GATAD2A: variants seen among roughly 807,000 people sequenced by gnomAD.
The protein encoded by GATAD2A is GATA zinc finger domain containing 2A.
GATAD2A carries 12 observed loss-of-function variants against 68.5 expected under a neutral mutation model. The observed-to-expected ratio is 0.18, with a 90% CI of 0.11 to 0.28. The LOEUF (loss-of-function observed/expected upper bound fraction) is 0.28. Ranked by LOEUF, GATAD2A falls within the 10% of genes least tolerant of loss-of-function variation. The pLI is 1.00. For synonymous variants in GATAD2A, 410 were observed against 375.3 expected, an observed-to-expected ratio of 1.09 and a Z score of -1.07; for missense variants, 755 against 868.5, an observed-to-expected ratio of 0.87 and a Z score of 1.64.
rs2058562347 is a variant in GATAD2A, at chr19:19,474,850, CTTTATAGTT to C, written c.269+9239_269+9247del. Among the ~76,000 whole-genome samples, 4 of 152,174 alleles carry C rather than the reference CTTTATAGTT, an allele frequency of 2.6e-5. No homozygotes were observed. The South Asian group carries it at 8.3e-4, about 32-fold the overall frequency. On this transcript the variant is annotated intron_variant, in intron 2 of 11. Coordinates refer to ENST00000683918, the MANE Select transcript of GATAD2A (RefSeq NM_001384528.1). ...ACCGTCTTCACTTGTTGTTCTCAGT[CTTTATAGTT>C]TTAGCCACTGGGTCCCCAGAGAGGT... is the stretch of plus-strand genomic sequence containing the variant.
chr19:19,501,073 G>T, intron 8 of GATAD2A, 45 bp from the exon 9 acceptor site: 7 of 1,553,088 alleles, frequency 4.5e-6, no homozygotes, highest in Non-Finnish European at 6.1e-6. Context: ...GGCCCTGACT[G>T]TCGTCCTGGC....
At chr19:19,437,127 T>C (rs1240083633) in intron 1 of GATAD2A, among the ~76,000 whole-genome samples, 2 of 152,214 alleles carry the variant, frequency 1.3e-5, no homozygotes, top group Non-Finnish European at 1.5e-5. Context: ...GTGGTACTTA[T>C]ATTTTTATTT....
intron 1 of GATAD2A, among the ~76,000 whole-genome samples, chr19:19,454,125 G>A (rs2056688369): frequency 6.6e-6 from 1 of 151,994 alleles, no homozygotes; most frequent in Non-Finnish European, 1.5e-5. Flanking sequence ...AGCCCCTGGA[G>A]TAGCCGGGAG....
intron 1 of GATAD2A, among the ~76,000 whole-genome samples, chr19:19,454,131 G>A (rs113986658): frequency 0.025 from 3,743 of 152,042 alleles, 166 homozygotes; most frequent in African/African-American, 0.083. Context: ...TGGAGTAGCC[G>A]GGAGTATAGG....
In GATAD2A at chr19:19,492,352, C is replaced by G. The variant is rs755127616; in HGVS notation, c.316C>G (p.Leu106Val). The G allele has an allele frequency of 6.2e-7, 1 of 1,611,104 alleles. No individual in the cohort carries two copies. Among genetic ancestry groups the G allele is most frequent in the Admixed American group, 1.7e-5 (1 of 59,618 alleles). Reference protein sequence around the residue: ...RRPPSPDVIVLSDNEQPSSPR... With the variant: ...RRPPSPDVIVVSDNEQPSSPR... The stretch of plus-strand genomic sequence containing the variant: ...ACCCCCCTCACCTGACGTGATTGTG[C>G]TCTCCGACAACGAGCAGCCCTCGAG... Residue 106 changes from leucine (L) to valine (V), a missense_variant, in exon 3 of 12, where the codon CTC (leucine) becomes GTC (valine). Transcript: ENST00000683918.
At chr19:19,460,445 C>T (rs115181092) in intron 1 of GATAD2A, among the ~76,000 whole-genome samples, 1 of 152,200 alleles carries the variant, frequency 6.6e-6, no homozygotes, top group East Asian at 1.9e-4. Flanking sequence ...CCGTTGTCAT[C>T]ATCTGACTCA....
chr19:19,458,018 G>T (rs2057093543), intron 1 of GATAD2A, among the ~76,000 whole-genome samples: 1 of 152,184 alleles, frequency 6.6e-6, no homozygotes, highest in Non-Finnish European at 1.5e-5. Flanking sequence ...TCAGTTTGGG[G>T]TCTTTGAAGG....
rs760879309 is a variant in GATAD2A at position 19,494,252 on chromosome 19, G to T, written c.535-42G>T. The stretch of plus-strand genomic sequence containing the variant: ...CAACTCCGTGTGAGGAGAGGGACCG[G>T]CCCGGTGGCCCCTCACCTCCTGGTG... On this transcript the variant is annotated intron_variant, in intron 4 of 11. Transcript: ENST00000683918. The T allele has an allele frequency of 4.3e-6, 5 of 1,164,158 alleles. No individual in the cohort carries two copies. The East Asian group carries it at 7.2e-5, about 17-fold the overall frequency. The allele number at this position is 1,164,158 out of a possible 1,614,324, so 72.1% of individuals were successfully genotyped here.
rs187530654 is a variant in GATAD2A at position 19,398,449 on chromosome 19, C to T, written c.-7+12311C>T. ...CTCCTGACCTCAGGCGATCCGCTTGCCTCGGCCTCCCAAAGTGCTGGGATT... is the reference window on the plus strand; with the variant it reads ...CTCCTGACCTCAGGCGATCCGCTTGTCTCGGCCTCCCAAAGTGCTGGGATT... On this transcript the variant is annotated intron_variant, in intron 1 of 11. Coordinates refer to the GATAD2A transcript ENST00000360315. Among the ~76,000 whole-genome samples, 603 of 152,102 alleles carry T rather than the reference C, an allele frequency of 4.0e-3. 2 individuals carry two copies. Among genetic ancestry groups the T allele is most frequent in the Non-Finnish European group, 6.3e-3 (426 of 67,968 alleles).
At chr19:19,496,893 G>A (rs1050987472) in intron 7 of GATAD2A, among the ~76,000 whole-genome samples, 3 of 152,170 alleles carry the variant, frequency 2.0e-5, no homozygotes, top group Non-Finnish European at 4.4e-5. Context: ...CTTTGGCACA[G>A]TTTGTTCTTG....
At chr19:19,431,743 T>C (rs994142902) in intron 1 of GATAD2A, among the ~76,000 whole-genome samples, 4 of 150,556 alleles carry the variant, frequency 2.7e-5, no homozygotes, top group Non-Finnish European at 5.9e-5. Flanking sequence ...TGTCAGACAC[T>C]GTTGTAGGTG....
At chr19:19,424,314 C>T (rs1055594477) in intron 1 of GATAD2A, among the ~76,000 whole-genome samples, 1 of 152,108 alleles carries the variant, frequency 6.6e-6, no homozygotes, top group African/African-American at 2.4e-5. Context: ...ACTGTATCCT[C>T]CACCTCCCAG....
chr19:19,457,585 C>T (rs973823624), intron 1 of GATAD2A, among the ~76,000 whole-genome samples: 1 of 151,888 alleles, frequency 6.6e-6, no homozygotes, highest in African/African-American at 2.4e-5. Flanking sequence ...CTAAAAAATA[C>T]AAAAAATTAG....
rs1312745279 is a variant in GATAD2A, at chr19:19,409,291, G to A, written c.-7+3272G>A. 2.6e-5 allele frequency among the ~76,000 whole-genome samples: 4 copies of A among 152,062 alleles called. No individual in the cohort carries two copies. The East Asian group carries it at 7.7e-4, about 29-fold the overall frequency. On this transcript the variant is annotated intron_variant, in intron 1 of 11. Coordinates refer to ENST00000683918, the MANE Select transcript of GATAD2A (RefSeq NM_001384528.1). ...CTAGACCTTTCCCCCCCATAATTGA[G>A]TTAATTTATGCTGGTTGTAGAAAAC... is the stretch of plus-strand genomic sequence containing the variant.
At chr19:19,420,736 A>G (rs552889746) in intron 1 of GATAD2A, among the ~76,000 whole-genome samples, 18 of 151,944 alleles carry the variant, frequency 1.2e-4, no homozygotes, top group Non-Finnish European at 2.2e-4. Context: ...TGTGGGTTCC[A>G]TCGTGTGAAG....
At chr19:19,479,864 G>T (rs1358601804) in intron 2 of GATAD2A, among the ~76,000 whole-genome samples, 2 of 127,736 alleles carry the variant, frequency 1.6e-5, no homozygotes, top group Non-Finnish European at 1.6e-5. Flanking sequence ...TTGAGATGGA[G>T]TCTCACTGCG....
At chr19:19,433,350 G>A (rs1208168904) in intron 1 of GATAD2A, among the ~76,000 whole-genome samples, 1 of 152,110 alleles carries the variant, frequency 6.6e-6, no homozygotes, top group East Asian at 1.9e-4. Flanking sequence ...TTTATGTTAA[G>A]TCTCAAAATC....
chr19:19,498,451 A>G lies in GATAD2A; in HGVS notation c.933A>G (p.Pro311=). ...GTTTTTGTCTCCCAAAGCCCACCCCAGCATCACTGAAGGGGACAACAGCCA... is the reference window on the plus strand; with the variant it reads ...GTTTTTGTCTCCCAAAGCCCACCCCGGCATCACTGAAGGGGACAACAGCCA... ...SLLVNIPQPT[P]ASLKGTTATS... Residue 311 remains proline (P), a synonymous_variant, in exon 8 of 12, where the codon CCA becomes CCG. Coordinates refer to ENST00000683918, the MANE Select transcript of GATAD2A (RefSeq NM_001384528.1). 1 of 1,601,378 alleles carries G rather than the reference A, an allele frequency of 6.2e-7. No homozygotes were observed. Among genetic ancestry groups the G allele is most frequent in the Non-Finnish European group, 8.6e-7 (1 of 1,169,432 alleles).
intron 1 of GATAD2A, among the ~76,000 whole-genome samples, chr19:19,391,121 C>A (rs1170522868): frequency 6.6e-6 from 1 of 152,102 alleles, no homozygotes; most frequent in African/African-American, 2.4e-5. Flanking sequence ...TTAGTAAAAG[C>A]CATAGAATCA....
Sources: allele counts gnomAD v4.1 joint callset (sites outside exome capture counted in the v4.1 genomes callset), GRCh38; gene constraint gnomAD v4.1.1; transcripts MANE v1.5; gene names NCBI Gene and HGNC (gene_info 2026-07-23, HGNC 2026-07-21).